Variants in GAREM1 observed in about 807,000 individuals in gnomAD.
GAREM1 encodes GRB2-associated and regulator of MAPK protein 1.
A neutral mutation model predicts 71.3 loss-of-function variants in GAREM1; 26 were observed. The ratio of observed to expected loss-of-function variants is 0.36; its 90% CI spans 0.27 to 0.51. The LOEUF (loss-of-function observed/expected upper bound fraction) is 0.51, where lower values mean the gene tolerates loss of function less well. GAREM1 is among the 20% of genes least tolerant of loss of function. The probability of loss-of-function intolerance (pLI) is 0.95; values close to 1 mark genes in which losing one functional copy is unlikely to be tolerated. For missense variants in GAREM1, 1,026 were observed against 1,103.1 expected, an observed-to-expected ratio of 0.93 and a Z score of 0.99; for synonymous variants, 440 against 433.2, an observed-to-expected ratio of 1.02 and a Z score of -0.20.
chr18:32,313,525 C>T (rs1047668039), intron 2 of GAREM1, among the ~76,000 whole-genome samples: 7 of 152,018 alleles, frequency 4.6e-5, no homozygotes, highest in African/African-American at 1.7e-4. Flanking sequence ...ATCATATTTC[C>T]AAGGAAAATC....
chr18:32,448,439 C>T (rs749425104), intron 1 of GAREM1, among the ~76,000 whole-genome samples: 5 of 152,164 alleles, frequency 3.3e-5, no homozygotes, highest in Admixed American at 6.5e-5. Context: ...TGTGATGGCA[C>T]TGGCCTGTTT....
At chr18:32,318,011 T>C (rs2047396645) in intron 2 of GAREM1, among the ~76,000 whole-genome samples, 1 of 152,176 alleles carries the variant, frequency 6.6e-6, no homozygotes, top group Non-Finnish European at 1.5e-5. Flanking sequence ...TGTTCTGAGA[T>C]GTTACTGTCA....
chr18:32,268,480 A>G lies in GAREM1; in HGVS notation c.2022T>C (p.Cys674=), dbSNP rs1418862964. The G allele has an allele frequency of 6.2e-7, 1 of 1,614,212 alleles. No individual in the cohort carries two copies. The highest frequency in any genetic ancestry group is 8.5e-7 in the Non-Finnish European group (1 of 1,180,034). The change falls in exon 6 of 6, where the codon TGT becomes TGC. Residue 674 remains cysteine, a synonymous_variant. Transcript: ENST00000269209. ...GGCTAGTGGGGCTGGCCAGGAGCTC[A>G]CAGCCATCAAAATCAAAAGGTGCTG... The part of the protein sequence containing the change: ...NCPAPFDFDG[C]ELLASPTSPV...
chr18:32,420,755 G>GAAAAAAAAA (rs10683034), intron 1 of GAREM1, among the ~76,000 whole-genome samples: 2 of 123,214 alleles, frequency 1.6e-5, no homozygotes, highest in African/African-American at 2.9e-5. Flanking sequence ...CTTCAAAAAT[G>GAAAAAAAAA]AAAAAAAAAA....
chr18:32,430,138 G>A (rs553918087), intron 1 of GAREM1, among the ~76,000 whole-genome samples: 125 of 152,320 alleles, frequency 8.2e-4, no homozygotes, highest in African/African-American at 2.8e-3. Flanking sequence ...GTACAACTCC[G>A]CAGGCTGTCA....
At chr18:32,278,674 C>A (rs906180192) in intron 4 of GAREM1, among the ~76,000 whole-genome samples, 1 of 152,156 alleles carries the variant, frequency 6.6e-6, no homozygotes, top group Non-Finnish European at 1.5e-5. Context: ...ATCATTACAG[C>A]CGTTAAGAAA....
rs1293668931 is a variant in GAREM1 at position 32,264,809 on chromosome 18, C to G, written c.*3062G>C. Reference sequence around the variant, plus strand: ...AGGTCCACATTATACATTTTAGTTGCTTGGCTTGGTTTATTGCTGATTTTC... The same window carrying G: ...AGGTCCACATTATACATTTTAGTTGGTTGGCTTGGTTTATTGCTGATTTTC... On this transcript the variant is annotated 3_prime_UTR_variant, in exon 6 of 6. Transcript: ENST00000269209. The G allele has an allele frequency of 1.3e-5, 2 of 152,176 alleles. No homozygotes were observed. Among genetic ancestry groups the G allele is most frequent in the African/African-American group, 4.8e-5 (2 of 41,436 alleles). 9.4% of individuals were successfully genotyped at this position (152,176 alleles called of 1,614,324 possible).
Position 32,288,145 on chromosome 18 carries a change from C to T in GAREM1, c.452G>A (p.Gly151Glu). The stretch of plus-strand genomic sequence containing the variant: ...CTGCCCCATTAGAGTGAGTTCATCC[C>T]CAGTACACAGGGTGATGTTGTAAAC... ...TEVYNITLCT[G>E]DELTLMGQAE... is the part of the protein sequence containing the mutation. Residue 151 changes from glycine (G) to glutamate (E), a missense_variant, in exon 4 of 6, where the codon GGG (glycine) becomes GAG (glutamate). Around this residue, in one of 3 missense-constraint regions of GAREM1, gnomAD observed 218 missense variants for 296.8 expected, o/e 0.73. Coordinates refer to ENST00000269209, the MANE Select transcript of GAREM1 (RefSeq NM_001242409.2). The T allele has an allele frequency of 6.2e-7, 1 of 1,614,036 alleles. No homozygotes were observed. The highest frequency in any genetic ancestry group is 8.5e-7 in the Non-Finnish European group (1 of 1,180,026).
chr18:32,345,058 T>A (rs991239405), intron 2 of GAREM1, among the ~76,000 whole-genome samples: 1 of 151,906 alleles, frequency 6.6e-6, no homozygotes, highest in Non-Finnish European at 1.5e-5. Context: ...CAAGACTCAG[T>A]CTCGAAAAAA....
At chr18:32,289,468 T>C (rs2047057884) in intron 3 of GAREM1, among the ~76,000 whole-genome samples, 1 of 152,230 alleles carries the variant, frequency 6.6e-6, no homozygotes, top group Admixed American at 6.5e-5. Flanking sequence ...TATTTAGATC[T>C]CTTACTGATT....
At chr18:32,320,529 T>C (rs906211368) in intron 2 of GAREM1, among the ~76,000 whole-genome samples, 1 of 152,158 alleles carries the variant, frequency 6.6e-6, no homozygotes, top group African/African-American at 2.4e-5. Flanking sequence ...TCTCAAAACA[T>C]ACAACCACAG....
At chr18:32,420,214 T>C (rs976912237) in intron 1 of GAREM1, among the ~76,000 whole-genome samples, 1 of 152,228 alleles carries the variant, frequency 6.6e-6, no homozygotes. Flanking sequence ...ATTATTACTC[T>C]ATCTGTCATG....
intron 4 of GAREM1, among the ~76,000 whole-genome samples, chr18:32,285,962 G>C (rs2047012867): frequency 6.6e-6 from 1 of 152,148 alleles, no homozygotes; most frequent in Admixed American, 6.5e-5. Context: ...TCTGTGCTTT[G>C]GTCAGGTAGG....
At chr18:32,395,979 A>G (rs1369717111) in intron 1 of GAREM1, among the ~76,000 whole-genome samples, 2 of 152,206 alleles carry the variant, frequency 1.3e-5, no homozygotes, top group African/African-American at 2.4e-5. Context: ...CAGAGGAACA[A>G]TCAGGCAGCA....
At chr18:32,278,332 GGA>G (rs953046287) in intron 4 of GAREM1, among the ~76,000 whole-genome samples, 1 of 152,150 alleles carries the variant, frequency 6.6e-6, no homozygotes, top group Non-Finnish European at 1.5e-5. Flanking sequence ...GGGGCGTGGG[GGA>G]GAGAGTATAC....
intron 2 of GAREM1, among the ~76,000 whole-genome samples, chr18:32,339,692 CT>C (rs1453912087): frequency 6.6e-6 from 1 of 152,234 alleles, no homozygotes; most frequent in Non-Finnish European, 1.5e-5. Context: ...ATATACAAAT[CT>C]AATTTCGTAG....
At chr18:32,446,397 C>T (rs1356878739) in intron 1 of GAREM1, among the ~76,000 whole-genome samples, 1 of 152,140 alleles carries the variant, frequency 6.6e-6, no homozygotes, top group Non-Finnish European at 1.5e-5. Flanking sequence ...GGTATTATCT[C>T]TACTTCACCT....
intron 2 of GAREM1, among the ~76,000 whole-genome samples, chr18:32,368,211 A>T (rs2047944119): frequency 6.6e-6 from 1 of 151,958 alleles, no homozygotes; most frequent in Non-Finnish European, 1.5e-5. Flanking sequence ...GGCACTTTTG[A>T]CTTATGCTGG....
intron 2 of GAREM1, among the ~76,000 whole-genome samples, chr18:32,350,880 C>T (rs981642104): frequency 2.0e-5 from 3 of 152,176 alleles, no homozygotes; most frequent in African/African-American, 7.2e-5. Context: ...GATGTTTAAA[C>T]AAAATTTCAA....
Sources: gnomAD v4.1 joint callset for allele counts (sites outside exome capture counted in the v4.1 genomes callset) on GRCh38, gnomAD v4.1.1 for gene constraint, gnomAD v4.1.1 regional missense constraint, MANE v1.5 for transcripts, NCBI Gene and HGNC (gene_info 2026-07-23, HGNC 2026-07-21) for gene names.